The following ABLIM1 variants were observed in gnomAD, a reference collection of about 807,000 sequenced individuals.
The protein encoded by ABLIM1 is actin-binding LIM protein 1.
ABLIM1 carries 40 observed loss-of-function variants against 107.0 expected under a neutral mutation model. That is an observed-to-expected ratio of 0.37 (90% CI 0.29 to 0.49). ABLIM1 has a LOEUF of 0.49. Among genes scored for constraint, ABLIM1 ranks in the 20% least tolerant of loss-of-function variants. The pLI is 0.97. For synonymous variants in ABLIM1, 357 were observed against 357.3 expected (o/e 1.00, Z 0.01); for missense variants, 857 against 1,008.5 (o/e 0.85, Z 2.04).
At chr10:114,544,286 T>C (rs943047943) in intron 6 of ABLIM1, among the ~76,000 whole-genome samples, 1 of 152,194 alleles carries the variant, frequency 6.6e-6, no homozygotes, top group Admixed American at 6.5e-5. Context: ...GCAGTCTTAC[T>C]TCTTCCTTGG....
At chr10:114,460,370 G>A (rs1319098729) in intron 12 of ABLIM1, among the ~76,000 whole-genome samples, 1 of 152,254 alleles carries the variant, frequency 6.6e-6, no homozygotes, top group Non-Finnish European at 1.5e-5. Flanking sequence ...GGAGCCCCAG[G>A]CGGCCAGATC....
At chr10:114,779,902 A>G in the ABLIM1 span, 1 of 151,714 alleles carries the variant, frequency 6.6e-6, no homozygotes, top group Non-Finnish European at 1.5e-5. Flanking sequence ...GTTGGGATGA[A>G]GTTTGTGTTG....
chr10:114,599,501 G>T (rs1266882675), intron 2 of ABLIM1, among the ~76,000 whole-genome samples: 1 of 152,148 alleles, frequency 6.6e-6, no homozygotes, highest in Non-Finnish European at 1.5e-5. Context: ...GCTTGGTGCA[G>T]TGGCTCACGC....
intron 3 of ABLIM1, among the ~76,000 whole-genome samples, chr10:114,574,179 C>G (rs1363525251): frequency 6.6e-6 from 1 of 152,178 alleles, no homozygotes; most frequent in East Asian, 1.9e-4. Context: ...GACAACACGT[C>G]TCCTCTGAAT....
intron 4 of ABLIM1, among the ~76,000 whole-genome samples, chr10:114,565,184 G>T (rs2070483678): frequency 6.6e-6 from 1 of 152,214 alleles, no homozygotes; most frequent in South Asian, 2.1e-4. Flanking sequence ...TCTAAAGAAG[G>T]AGAGGCAGAT....
chr10:114,768,361 C>G (rs1474816274), upstream of ABLIM1, among the ~76,000 whole-genome samples: 2 of 149,776 alleles, frequency 1.3e-5, no homozygotes, highest in African/African-American at 2.4e-5. Context: ...GTCCAGCAGC[C>G]GCTCTGCCGC....
chr10:114,742,379 C>T, intron 1 of ABLIM1, among the ~76,000 whole-genome samples: 1 of 152,178 alleles, frequency 6.6e-6, no homozygotes, highest in African/African-American at 2.4e-5. Flanking sequence ...ACTTTGGATA[C>T]TCCATCTACA....
chr10:114,536,919 G>A (rs959712319), intron 6 of ABLIM1, among the ~76,000 whole-genome samples: 2 of 152,148 alleles, frequency 1.3e-5, no homozygotes, highest in African/African-American at 4.8e-5. Context: ...CTTCAAGGAG[G>A]CCAGACTATG....
intron 1 of ABLIM1, among the ~76,000 whole-genome samples, chr10:114,763,801 T>A (rs988525050): frequency 6.6e-6 from 1 of 152,228 alleles, no homozygotes; most frequent in Non-Finnish European, 1.5e-5. Flanking sequence ...AGTCTGCCTG[T>A]ACATAAGAAA....
the ABLIM1 span, chr10:114,779,269 G>A: frequency 1.3e-5 from 2 of 152,186 alleles, no homozygotes; most frequent in African/African-American, 4.8e-5. Context: ...GGTAGGCACT[G>A]TTGTTACCCT....
intron 1 of ABLIM1, among the ~76,000 whole-genome samples, chr10:114,667,186 G>A (rs911556684): frequency 1.2e-4 from 19 of 152,102 alleles, no homozygotes; most frequent in African/African-American, 4.1e-4. Flanking sequence ...TTTGGGTACC[G>A]GGGGAAGGTA....
At chr10:114,625,396 G>C (rs1000661638) in intron 1 of ABLIM1, among the ~76,000 whole-genome samples, 1 of 152,098 alleles carries the variant, frequency 6.6e-6, no homozygotes, top group African/African-American at 2.4e-5. Flanking sequence ...TGTGTGTTTT[G>C]GGAAGACAGA....
chr10:114,691,280 C>A (rs1409593102), intron 1 of ABLIM1, among the ~76,000 whole-genome samples: 1 of 152,104 alleles, frequency 6.6e-6, no homozygotes, highest in Non-Finnish European at 1.5e-5. Context: ...AAAGAATACA[C>A]GTGGATGCCA....
In ABLIM1 at chr10:114,473,920, G is replaced by A. The variant is rs1358892765; in HGVS notation, c.1078C>T (p.Pro360Ser). The change falls in exon 9 of 23, where the codon CCA becomes TCA. Residue 360 changes from proline (P) to serine (S), a missense_variant. Physicochemically the swap from Pro to Ser is moderately conservative, Grantham distance 74 (BLOSUM62 -1). Transcript: ENST00000533213. ...RTSSESIYSR[P>S]GSSIPGSPGH... is the part of the protein sequence containing the mutation. ...GGTGAGCCAGGAATACTGGAGCCTG[G>A]CCTAGAATAAATACTTTCCGAGGAT... 6.2e-7 allele frequency: 1 copy of A among 1,613,680 alleles called. No homozygotes were observed.
At chr10:114,719,340 C>T (rs192534563) in intron 1 of ABLIM1, among the ~76,000 whole-genome samples, 80 of 152,254 alleles carry the variant, frequency 5.3e-4, no homozygotes, top group African/African-American at 1.8e-3. Flanking sequence ...TTTGAACAGC[C>T]CTGAGAAGGA....
chr10:114,499,460 C>A (rs1423606746), intron 6 of ABLIM1, among the ~76,000 whole-genome samples: 3 of 152,184 alleles, frequency 2.0e-5, no homozygotes, highest in African/African-American at 7.2e-5. Flanking sequence ...AAACACAGCT[C>A]TGGTGGATGG....
upstream of ABLIM1, among the ~76,000 whole-genome samples, chr10:114,686,523 A>AC (rs1210130909): frequency 9.9e-5 from 15 of 151,706 alleles, no homozygotes; most frequent in Admixed American, 7.9e-4. Flanking sequence ...AAAAAAAAAA[A>AC]CAAAAACAAA....
Position 114,441,795 on chromosome 10 carries a change from G to GA in ABLIM1, c.1934-10dup. ...TGATGGAATATGTGAAGCTGAGTAA[G>GA]AAAAAAGTAAAAAACCAATTGTTAG... On this transcript the variant is annotated splice_polypyrimidine_tract_variant and intron_variant, in intron 17 of 22. Coordinates refer to ENST00000533213, the MANE Select transcript of ABLIM1 (RefSeq NM_002313.7). The GA allele has an allele frequency of 6.2e-7, 1 of 1,612,238 alleles. No homozygotes were observed. Among genetic ancestry groups the GA allele is most frequent in the Non-Finnish European group, 8.5e-7 (1 of 1,178,636 alleles).
chr10:114,719,921 C>A (rs181179502), intron 1 of ABLIM1, among the ~76,000 whole-genome samples: 1 of 152,136 alleles, frequency 6.6e-6, no homozygotes, highest in Non-Finnish European at 1.5e-5. Context: ...TCCAATTAAC[C>A]TTTCTTAAGA....
Sources: allele counts gnomAD v4.1 joint callset (sites outside exome capture counted in the v4.1 genomes callset), GRCh38; gene constraint gnomAD v4.1.1; transcripts MANE v1.5; gene names NCBI Gene and HGNC (gene_info 2026-07-23, HGNC 2026-07-21).